ANKS1A: variants seen among roughly 807,000 people sequenced by gnomAD.
ANKS1A encodes the protein ankyrin repeat and SAM domain-containing protein 1A.
In ANKS1A, 55 loss-of-function variants were observed where a neutral mutation model predicts 120.3. That is an observed-to-expected ratio of 0.46 (90% CI 0.37 to 0.57). The LOEUF (loss-of-function observed/expected upper bound fraction) is 0.57. Ranked by LOEUF, ANKS1A falls within the 20% of genes least tolerant of loss-of-function variation. The pLI is 0.00. For synonymous variants in ANKS1A, 590 were observed against 604.7 expected (o/e 0.98, Z 0.36); for missense variants, 1,123 against 1,480.3 (o/e 0.76, Z 3.96).
intron 1 of ANKS1A, among the ~76,000 whole-genome samples, chr6:34,918,886 C>G (rs529650911): frequency 6.6e-6 from 1 of 152,272 alleles, no homozygotes; most frequent in South Asian, 2.1e-4. Context: ...GGGTCTCGCT[C>G]TGTCACCTAG....
At chr6:35,003,027 A>G (rs974389915) in intron 10 of ANKS1A, among the ~76,000 whole-genome samples, 13 of 150,004 alleles carry the variant, frequency 8.7e-5, no homozygotes, top group African/African-American at 3.2e-4. Flanking sequence ...CTGCCTGACC[A>G]GTGGACAGGT....
chr6:35,061,937 G>A (rs1253861361), intron 13 of ANKS1A, among the ~76,000 whole-genome samples: 1 of 152,152 alleles, frequency 6.6e-6, no homozygotes, highest in African/African-American at 2.4e-5. Flanking sequence ...GGTGGTCTTA[G>A]GGTGTTCCCT....
At chr6:34,973,695 G>C (rs1036905161) in intron 3 of ANKS1A, among the ~76,000 whole-genome samples, 1 of 152,188 alleles carries the variant, frequency 6.6e-6, no homozygotes. Context: ...TTTAGCAAAG[G>C]AAGCCCCCTA....
At chr6:34,986,226 G>A (rs538982803) in intron 8 of ANKS1A, among the ~76,000 whole-genome samples, 60 of 152,322 alleles carry the variant, frequency 3.9e-4, no homozygotes, top group Admixed American at 2.4e-3. Context: ...GCTTTCCCAC[G>A]ATGATAAGGT....
At chr6:35,011,644 C>T (rs964557610) in intron 10 of ANKS1A, among the ~76,000 whole-genome samples, 29 of 152,288 alleles carry the variant, frequency 1.9e-4, no homozygotes, top group African/African-American at 6.5e-4. Flanking sequence ...CCAAACCAAA[C>T]TTATAAGAAT....
rs768921531 is a variant in ANKS1A at position 35,088,614 on chromosome 6, C to T, written c.*5C>T. Reference sequence around the variant, plus strand: ...TGTTTGCTTCTGCCAAGCTGAGCCACTGAGGAACCACACTGTGCTGCGGAA... The same window carrying T: ...TGTTTGCTTCTGCCAAGCTGAGCCATTGAGGAACCACACTGTGCTGCGGAA... On this transcript the variant is annotated 3_prime_UTR_variant, in exon 24 of 24. Transcript: ENST00000360359. 1 of 1,614,276 alleles carries T rather than the reference C, an allele frequency of 6.2e-7. No individual in the cohort carries two copies. The highest frequency in any genetic ancestry group is 2.2e-5 in the East Asian group (1 of 44,886).
At chr6:34,897,753 A>G (rs1411147798) in intron 1 of ANKS1A, among the ~76,000 whole-genome samples, 2 of 152,230 alleles carry the variant, frequency 1.3e-5, no homozygotes, top group Non-Finnish European at 2.9e-5. Flanking sequence ...AGTAATTTGT[A>G]GATCAAGTTT....
chr6:35,037,290 A>G (rs954930608), intron 11 of ANKS1A, among the ~76,000 whole-genome samples: 1 of 152,240 alleles, frequency 6.6e-6, no homozygotes, highest in Non-Finnish European at 1.5e-5. Context: ...AATTACACAG[A>G]TGTACATTCT....
chr6:35,025,473 G>A (rs932998291), intron 11 of ANKS1A, among the ~76,000 whole-genome samples: 3 of 151,974 alleles, frequency 2.0e-5, no homozygotes, highest in African/African-American at 4.8e-5. Context: ...CTGCCATCAC[G>A]TCTCTAACTG....
At chr6:34,969,167 G>A (rs1771055231) in intron 2 of ANKS1A, among the ~76,000 whole-genome samples, 1 of 152,148 alleles carries the variant, frequency 6.6e-6, no homozygotes, top group Non-Finnish European at 1.5e-5. Flanking sequence ...AATTAGTGCT[G>A]TCACCAGGAA....
chr6:35,023,510 C>A, intron 11 of ANKS1A: 1 of 316,416 alleles, frequency 3.2e-6, no homozygotes, highest in South Asian at 3.0e-5. Flanking sequence ...AGAGCTGTGG[C>A]AGTAGAGTCA....
intron 13 of ANKS1A, among the ~76,000 whole-genome samples, chr6:35,077,227 C>A (rs544931580): frequency 1.5e-4 from 23 of 152,256 alleles, no homozygotes; most frequent in African/African-American, 5.5e-4. Context: ...CATAACAGGC[C>A]TAGACACGAC....
chr6:35,079,770 G>GT, intron 15 of ANKS1A, 51 bp from the exon 16 acceptor site: 1 of 1,606,614 alleles, frequency 6.2e-7, no homozygotes, highest in Non-Finnish European at 8.5e-7. Context: ...GGAGCGGACT[G>GT]TGAGTGAGTT....
At chr6:34,999,745 C>T (rs923941958) in intron 10 of ANKS1A, among the ~76,000 whole-genome samples, 4 of 152,108 alleles carry the variant, frequency 2.6e-5, no homozygotes, top group Non-Finnish European at 5.9e-5. Flanking sequence ...TAGACAGTTA[C>T]AGCTGGTTTT....
At chr6:34,936,479 T>C (rs1284955482) in intron 1 of ANKS1A, among the ~76,000 whole-genome samples, 3 of 152,232 alleles carry the variant, frequency 2.0e-5, no homozygotes, top group Admixed American at 1.3e-4. Flanking sequence ...TCATTATCTT[T>C]AGATTTTCTA....
At chr6:34,966,202 G>A (rs1770885835) in intron 1 of ANKS1A, among the ~76,000 whole-genome samples, 1 of 152,124 alleles carries the variant, frequency 6.6e-6, no homozygotes, top group South Asian at 2.1e-4. Context: ...CTACTCTCAA[G>A]TAGATGCTCT....
At chr6:35,088,510 C>G in intron 23 of ANKS1A, 96 bp from the exon 24 acceptor site, 1 of 1,519,148 alleles carries the variant, frequency 6.6e-7, no homozygotes, top group South Asian at 1.1e-5. Context: ...TGTGAGGGAT[C>G]GTCTGTCCTG....
chr6:34,918,875 A>G (rs1768300119), intron 1 of ANKS1A, among the ~76,000 whole-genome samples: 1 of 152,120 alleles, frequency 6.6e-6, no homozygotes, highest in Non-Finnish European at 1.5e-5. Flanking sequence ...TTATTGAGAC[A>G]GGGTCTCGCT....
At chr6:34,966,052 G>T (rs1041721258) in intron 1 of ANKS1A, among the ~76,000 whole-genome samples, 3 of 152,106 alleles carry the variant, frequency 2.0e-5, no homozygotes, top group African/African-American at 7.2e-5. Context: ...CTGTGTCATT[G>T]ATTCTTCAAT....
Sources: allele counts gnomAD v4.1 joint callset (sites outside exome capture counted in the v4.1 genomes callset), GRCh38; gene constraint gnomAD v4.1.1; transcripts MANE v1.5; gene names NCBI Gene and HGNC (gene_info 2026-07-23, HGNC 2026-07-21).